STX17: variants seen among roughly 807,000 people sequenced by gnomAD.
STX17 encodes the protein syntaxin 17, also known as syntaxin-17.
A neutral mutation model predicts 35.9 loss-of-function variants in STX17; 29 were observed. That is an observed-to-expected ratio of 0.81 (90% CI 0.60 to 1.10). STX17 has a LOEUF of 1.10. STX17 is among the 50% of genes least tolerant of loss of function. The pLI is 0.00. For synonymous variants in STX17, 92 were observed against 118.3 expected, an observed-to-expected ratio of 0.78 and a Z score of 1.44; for missense variants, 312 against 352.3, an observed-to-expected ratio of 0.89 and a Z score of 0.92.
chr9:99,941,940 T>A (rs1397951965), intron 3 of STX17, among the ~76,000 whole-genome samples: 1 of 152,210 alleles, frequency 6.6e-6, no homozygotes, highest in Non-Finnish European at 1.5e-5. Flanking sequence ...TTAACATTCT[T>A]GTATATTTTT....
intron 3 of STX17, among the ~76,000 whole-genome samples, chr9:99,932,304 C>T (rs866401968): frequency 8.0e-4 from 121 of 151,988 alleles, no homozygotes; most frequent in African/African-American, 2.7e-3. Flanking sequence ...TTACAGAGGT[C>T]CAAGAAAAAG....
intron 3 of STX17, among the ~76,000 whole-genome samples, chr9:99,946,446 C>T (rs1306653289): frequency 6.6e-6 from 1 of 152,082 alleles, no homozygotes; most frequent in Non-Finnish European, 1.5e-5. Context: ...ATTTTAGTTC[C>T]ATGTATGCCC....
chr9:99,939,038 C>T (rs80270935), intron 3 of STX17, among the ~76,000 whole-genome samples: 9,058 of 152,052 alleles, frequency 0.06, 334 homozygotes, highest in Middle Eastern at 0.14. Flanking sequence ...TAAAATCAGC[C>T]ATGGAATTTG....
Position 99,973,819 on chromosome 9 carries a change from C to A in STX17, c.*5146C>A, listed in dbSNP as rs547927577. ...TGAATACCAAATAAAGTTCGAATCCCTTAGATTGGCATTCACAGCCTTCTA... is the reference window on the plus strand; with the variant it reads ...TGAATACCAAATAAAGTTCGAATCCATTAGATTGGCATTCACAGCCTTCTA... On this transcript the variant is annotated 3_prime_UTR_variant, in exon 8 of 8. Transcript: ENST00000259400. Among the ~76,000 whole-genome samples the A allele has an allele frequency of 9.4e-4, 143 of 152,238 alleles. No homozygotes were observed. The highest frequency in any genetic ancestry group is 3.2e-3 in the African/African-American group (135 of 41,556).
chr9:99,959,162 G>A lies in STX17; in HGVS notation c.416-755G>A, dbSNP rs537036651. ...TGGCCAAGTAGAATAGTTTTCTTTT[G>A]GTGCTTCTTCCACATTTAGCCCTAG... On this transcript the variant is annotated intron_variant, in intron 4 of 7. Transcript: ENST00000259400. 3.5e-4 allele frequency among the ~76,000 whole-genome samples: 54 copies of A among 152,218 alleles called. No homozygotes were observed. In the South Asian group the frequency reaches 0.011, roughly 30 times the overall value.
intron 1 of STX17, 74 bp from the exon 2 acceptor site, chr9:99,915,104 A>G: frequency 1.9e-6 from 2 of 1,028,060 alleles, no homozygotes; most frequent in Non-Finnish European, 1.3e-6. Context: ...AATAAATTGT[A>G]AAACTAATCG....
intron 6 of STX17, among the ~76,000 whole-genome samples, chr9:99,960,991 A>T (rs1490319625): frequency 1.3e-5 from 2 of 152,084 alleles, no homozygotes; most frequent in Non-Finnish European, 2.9e-5. Flanking sequence ...GAAGTTATGG[A>T]GTATATTTGA....
At chr9:99,918,309 T>G (rs1228540591) in intron 2 of STX17, among the ~76,000 whole-genome samples, 1 of 152,082 alleles carries the variant, frequency 6.6e-6, no homozygotes, top group Non-Finnish European at 1.5e-5. Context: ...TTTAAATATT[T>G]TTGTAGAGAC....
intron 2 of STX17, chr9:99,916,232 C>T (rs966670104): frequency 7.6e-5 from 26 of 341,966 alleles, no homozygotes; most frequent in East Asian, 2.3e-4. Context: ...TACCATGCTC[C>T]GGTGAAGTGG....
chr9:99,915,932 G>A (rs1325896419), intron 2 of STX17: 2 of 423,992 alleles, frequency 4.7e-6, no homozygotes, highest in South Asian at 1.7e-5. Flanking sequence ...GATTGATGGT[G>A]CACTATAATG....
At chr9:99,930,160 C>T (rs980892970) in intron 3 of STX17, among the ~76,000 whole-genome samples, 1 of 152,106 alleles carries the variant, frequency 6.6e-6, no homozygotes, top group African/African-American at 2.4e-5. Flanking sequence ...ATCCGCCTGC[C>T]TTGGCCTCCC....
At position 99,972,844 on chromosome 9, in the gene STX17, G is replaced by C. The variant is rs1830041511; in HGVS notation, c.*4171G>C. Among the ~76,000 whole-genome samples, 7 of 152,146 alleles carry C rather than the reference G, an allele frequency of 4.6e-5. No individual in the cohort carries two copies. The South Asian group carries it at 1.5e-3, about 32-fold the overall frequency. ...CAAGGAAGGATGAGGAAAAGCCTGG[G>C]GGGAGGTTCTCCTCGGAAATGAGGT... On this transcript the variant is annotated 3_prime_UTR_variant, in exon 8 of 8. Transcript: ENST00000259400.
chr9:99,911,006 A>G (rs1828649866), intron 1 of STX17, among the ~76,000 whole-genome samples: 1 of 151,122 alleles, frequency 6.6e-6, no homozygotes, highest in Non-Finnish European at 1.5e-5. Flanking sequence ...TGTTCCATCC[A>G]TGTTGTTGTA....
At chr9:99,950,054 A>G (rs1176888404) in intron 3 of STX17, among the ~76,000 whole-genome samples, 1 of 151,980 alleles carries the variant, frequency 6.6e-6, no homozygotes. Flanking sequence ...GAAAGGCTTT[A>G]TCCCAGGAAT....
chr9:99,929,977 A>G (rs938583176), intron 3 of STX17: 1 of 143,276 alleles, frequency 7.0e-6, no homozygotes, highest in African/African-American at 2.6e-5. Context: ...CACTGTTGCA[A>G]TCTCGGCTCA....
rs145714074 is a variant in STX17 at position 99,951,387 on chromosome 9, C to T, written c.415+102C>T. On this transcript the variant is annotated intron_variant, in intron 4 of 7. Transcript: ENST00000259400. ...GAATTATCTATAGGTCTTCAGAGAC[C>T]ATTCACTATCCCAATATGCTGAATC... The T allele has an allele frequency of 7.9e-4, 790 of 997,462 alleles. 3 individuals carry two copies. In the African/African-American group the frequency reaches 0.011, roughly 14 times the overall value. The allele number at this position is 997,462 out of a possible 1,614,324, so 61.8% of individuals were successfully genotyped here.
chr9:99,907,280 CT>C (rs1564054244), intron 1 of STX17: 1 of 152,196 alleles, frequency 6.6e-6, no homozygotes, highest in African/African-American at 2.4e-5. Flanking sequence ...TTTACTTTGA[CT>C]TTTCTCTCCA....
At chr9:99,930,023 C>T (rs1471631819) in intron 3 of STX17, 2 of 149,604 alleles carry the variant, frequency 1.3e-5, no homozygotes, top group Non-Finnish European at 3.0e-5. Context: ...AGCAATTCTC[C>T]TGCCTCAGCC....
chr9:99,967,055 G>A (rs1022032175), intron 6 of STX17, among the ~76,000 whole-genome samples: 7 of 152,152 alleles, frequency 4.6e-5, no homozygotes, highest in African/African-American at 1.7e-4. Flanking sequence ...ATTTTAAAAT[G>A]TATTAAGATA....
Sources: allele counts gnomAD v4.1 joint callset (sites outside exome capture counted in the v4.1 genomes callset), GRCh38; gene constraint gnomAD v4.1.1; transcripts MANE v1.5; gene names NCBI Gene and HGNC (gene_info 2026-07-23, HGNC 2026-07-21).